The following SEZ6L2 variants were observed in gnomAD, a reference collection of about 807,000 sequenced individuals.
SEZ6L2 encodes the protein seizure related 6 homolog like 2, also known as seizure 6-like protein 2.
SEZ6L2 carries 44 observed loss-of-function variants against 97.0 expected under a neutral mutation model. The ratio of observed to expected loss-of-function variants is 0.45; its 90% CI spans 0.36 to 0.58. The LOEUF is 0.58. Among genes scored for constraint, SEZ6L2 ranks in the 20% least tolerant of loss-of-function variants. The pLI is 0.00. For synonymous variants in SEZ6L2, 543 were observed against 546.1 expected, an observed-to-expected ratio of 0.99 and a Z score of 0.08; for missense variants, 1,086 against 1,233.3, an observed-to-expected ratio of 0.88 and a Z score of 1.79.
At chr16:29,885,965 TTAGGGCA>T in intron 7 of SEZ6L2, 1 of 463,606 alleles carries the variant, frequency 2.2e-6, no homozygotes. Context: ...GATGAGGATA[TTAGGGCA>T]TAGAAAGATC....
rs373192342 is a variant in SEZ6L2 at position 29,896,485 on chromosome 16, C to T, written c.511+337G>A. ...GTAGAGACAGGGTTTCTCCATGTTG[C>T]TCAGGCTGGTCTCGAACTCCCGACC... On this transcript the variant is annotated intron_variant, in intron 3 of 17. Transcript: ENST00000617533. Among the ~76,000 whole-genome samples, 20 of 152,124 alleles carry T rather than the reference C, an allele frequency of 1.3e-4. No homozygotes were observed. In the East Asian group the frequency reaches 2.1e-3, roughly 16 times the overall value.
chr16:29,889,622 T>C (rs78616284), intron 5 of SEZ6L2, among the ~76,000 whole-genome samples: 1 of 98,904 alleles, frequency 1.0e-5, no homozygotes, highest in East Asian at 5.0e-4. Flanking sequence ...TTCTTTTTTT[T>C]TTTTTTTTTT....
In SEZ6L2 at chr16:29,885,568, G is replaced by A; in HGVS notation, c.1372+18C>T. On this transcript the variant is annotated intron_variant, in intron 8 of 17. Coordinates refer to ENST00000617533, the MANE Select transcript of SEZ6L2 (RefSeq NM_001243332.2). ...AAGGTGTGGCGGTTGGGGTCCTGTG[G>A]GGGAGTGGGTCACTTACCTTCAAAT... The A allele has an allele frequency of 6.2e-7, 1 of 1,608,284 alleles. No homozygotes were observed. Among genetic ancestry groups the A allele is most frequent in the Non-Finnish European group, 8.5e-7 (1 of 1,175,564 alleles).
Position 29,878,334 on chromosome 16 carries a change from C to G in SEZ6L2, c.1665G>C (p.Trp555Cys). Residue 555 changes from tryptophan (W) to cysteine (C), a missense_variant, in exon 10 of 18, where the codon TGG becomes TGC. Physicochemically the swap from Trp to Cys is radical, Grantham distance 215 (BLOSUM62 -2). Transcript: ENST00000617533. ...GCTTCTCTTCCTGGACGTGCACGCC[C>G]CACACGCAGTCTTGGCCCGGGCTAT... is the stretch of plus-strand genomic sequence containing the variant. ...QSYSPGQDCV[W>C]GVHVQEEKRI... 1 of 1,601,876 alleles carries G rather than the reference C, an allele frequency of 6.2e-7. No homozygotes were observed. The highest frequency in any genetic ancestry group is 8.5e-7 in the Non-Finnish European group (1 of 1,173,700).
rs184083094 is a variant in SEZ6L2, at chr16:29,871,372, C to T, written c.*327G>A. Reference sequence around the variant, plus strand: ...GTGGCCAAGGGAACAGTAGAGCTATCGGGGGCAGTCCTTGAGGGGTGCCCT... The same window carrying T: ...GTGGCCAAGGGAACAGTAGAGCTATTGGGGGCAGTCCTTGAGGGGTGCCCT... On this transcript the variant is annotated 3_prime_UTR_variant, in exon 18 of 18. Coordinates refer to ENST00000617533, the MANE Select transcript of SEZ6L2 (RefSeq NM_001243332.2). 4.8e-5 allele frequency: 22 copies of T among 456,646 alleles called. No homozygotes were observed. In the East Asian group the frequency reaches 8.1e-4, roughly 17 times the overall value. The allele number at this position is 456,646 out of a possible 1,614,324, so 28.3% of individuals were successfully genotyped here. A position where few individuals can be genotyped will look rare whatever the true frequency, so the allele number is the denominator to read the frequency against.
At position 29,896,909 on chromosome 16, in the gene SEZ6L2, G is replaced by A. The variant is rs1329969829; in HGVS notation, c.424C>T (p.Pro142Ser). ...TCTCCTCCCTCAGGCCCAAGGGGAG[G>A]CCCTGGGGAGGCAGGGCTGGGTGGG... ...PPPPSPASPG[P>S]PLGPEGGEEE... is the part of the protein sequence containing the mutation. The change falls in exon 3 of 18, where the codon CCT becomes TCT. Residue 142 changes from proline (P) to serine (S), a missense_variant. By Grantham distance (74) the Pro-to-Ser change is moderately conservative. Coordinates refer to ENST00000617533, the MANE Select transcript of SEZ6L2 (RefSeq NM_001243332.2). 7 of 1,611,414 alleles carry A rather than the reference G, an allele frequency of 4.3e-6. No homozygotes were observed. Among genetic ancestry groups the A allele is most frequent in the Admixed American group, 1.7e-5 (1 of 60,002 alleles).
intron 7 of SEZ6L2, 41 bp from the exon 8 acceptor site, chr16:29,885,790 C>T (rs2068127405): frequency 6.3e-7 from 1 of 1,576,624 alleles, no homozygotes; most frequent in Admixed American, 1.7e-5. Flanking sequence ...CAATCTCCCT[C>T]ACAAGCTGCC....
At position 29,873,117 on chromosome 16, in the gene SEZ6L2, C is replaced by T; in HGVS notation, c.2488+123G>A. On this transcript the variant is annotated intron_variant, in intron 14 of 17. Coordinates refer to ENST00000617533, the MANE Select transcript of SEZ6L2 (RefSeq NM_001243332.2). This position sits in a 1 kb window ranked among gnomAD's most constrained non-coding sequence, Gnocchi z 4.3. ...GGACACACCCGTGAGGACACGAGGCCACAGGAGGAGAACCGGGAGCTCTGT... is the reference window on the plus strand; with the variant it reads ...GGACACACCCGTGAGGACACGAGGCTACAGGAGGAGAACCGGGAGCTCTGT... 3 of 1,139,842 alleles carry T rather than the reference C, an allele frequency of 2.6e-6. No individual in the cohort carries two copies. The highest frequency in any genetic ancestry group is 3.7e-6 in the Non-Finnish European group (3 of 807,134). 70.6% of individuals were successfully genotyped at this position (1,139,842 alleles called of 1,614,324 possible). A position where few individuals can be genotyped will look rare whatever the true frequency, so the allele number is the denominator to read the frequency against.
chr16:29,895,690 G>T (rs747618486), intron 4 of SEZ6L2, 31 bp downstream of exon 4: 2 of 1,598,218 alleles, frequency 1.3e-6, no homozygotes, highest in East Asian at 4.5e-5. Flanking sequence ...AGGCTTGGAA[G>T]CTGCACAGTC....
chr16:29,880,191 C>A (rs2068001525), intron 8 of SEZ6L2, 127 bp from the exon 9 acceptor site: 2 of 831,770 alleles, frequency 2.4e-6, no homozygotes, highest in African/African-American at 1.7e-5. Context: ...TTTAAACAGT[C>A]TTGTGCTGTC....
At position 29,888,649 on chromosome 16, in the gene SEZ6L2, G is replaced by T; in HGVS notation, c.930C>A (p.Gly310=). 7 of 1,614,004 alleles carry T rather than the reference G, an allele frequency of 4.3e-6. No homozygotes were observed. Among genetic ancestry groups the T allele is most frequent in the Non-Finnish European group, 5.9e-6 (7 of 1,179,964 alleles). Residue 310 remains glycine, a synonymous_variant, in exon 6 of 18, where the codon GGC becomes GGA. Transcript: ENST00000617533. ...DVSVTDLHPG[G]TATFHCDSGY... is the part of the protein sequence containing the mutation. ...CCGAATCACAGTGAAAGGTGGCAGT[G>T]CCCCCAGGGTGCAGGTCCGTCACAC...
intron 1 of SEZ6L2, 95 bp from the exon 2 acceptor site, chr16:29,898,079 G>A: frequency 6.4e-7 from 1 of 1,553,404 alleles, no homozygotes; most frequent in South Asian, 1.2e-5. Flanking sequence ...TCCTCCATCA[G>A]CTGGGCCTGC....
chr16:29,882,756 T>G (rs1328378160), intron 8 of SEZ6L2, among the ~76,000 whole-genome samples: 1 of 151,914 alleles, frequency 6.6e-6, no homozygotes, highest in African/African-American at 2.4e-5. Flanking sequence ...CCTGGCTAAT[T>G]TTTTGTTTTG....
At position 29,885,673 on chromosome 16, in the gene SEZ6L2, C is replaced by A. The variant is rs968203015; in HGVS notation, c.1285G>T (p.Gly429Cys). ...DSDMDDVPER[G>C]LISDAQSLYV... is the part of the protein sequence containing the mutation. Reference sequence around the variant, plus strand: ...AGGGACTGGGCGTCACTGATGAGACCCCGCTCGGGGACATCGTCCATGTCC... The same window carrying A: ...AGGGACTGGGCGTCACTGATGAGACACCGCTCGGGGACATCGTCCATGTCC... The change falls in exon 8 of 18, where the codon GGT becomes TGT. Residue 429 changes from glycine to cysteine, a missense_variant. This residue lies in a region of SEZ6L2 where 776 missense variants were observed against 794.7 expected (regional missense o/e 0.98). Coordinates refer to ENST00000617533, the MANE Select transcript of SEZ6L2 (RefSeq NM_001243332.2). 2 of 1,613,954 alleles carry A rather than the reference C, an allele frequency of 1.2e-6. No individual in the cohort carries two copies. Among genetic ancestry groups the A allele is most frequent in the Non-Finnish European group, 1.7e-6 (2 of 1,179,974 alleles).
chr16:29,896,871 C>G lies in SEZ6L2; in HGVS notation c.462G>C (p.Thr154=). ...CAGTTGTCGTGGTGATGATGGTGGTCGTCGTCTCCTCCTCTCCTCCCTCAG... is the reference window on the plus strand; with the variant it reads ...CAGTTGTCGTGGTGATGATGGTGGTGGTCGTCTCCTCCTCTCCTCCCTCAG... ...LGPEGGEEET[T]TTIITTTTVT... is the part of the protein sequence containing the mutation. Residue 154 remains threonine, a synonymous_variant, in exon 3 of 18, where the codon ACG becomes ACC. Coordinates refer to ENST00000617533, the MANE Select transcript of SEZ6L2 (RefSeq NM_001243332.2). 3 of 1,613,930 alleles carry G rather than the reference C, an allele frequency of 1.9e-6. No homozygotes were observed. The highest frequency in any genetic ancestry group is 2.5e-6 in the Non-Finnish European group (3 of 1,179,910).
intron 9 of SEZ6L2, 63 bp from the exon 10 acceptor site, chr16:29,878,488 G>C: frequency 6.7e-7 from 1 of 1,481,892 alleles, no homozygotes; most frequent in Middle Eastern, 2.1e-4. Context: ...TTTCTCCACA[G>C]TCCTCACCAC....
chr16:29,887,836 T>A lies in SEZ6L2; in HGVS notation c.1040-19A>T. On this transcript the variant is annotated intron_variant, in intron 6 of 17. Coordinates refer to ENST00000617533, the MANE Select transcript of SEZ6L2 (RefSeq NM_001243332.2). The stretch of plus-strand genomic sequence containing the variant: ...CAGGATGCTGTGGGCAGAGGAGGGG[T>A]ACGTTAAGGCCAGCCTGAGGTGAAC... 4 of 1,612,036 alleles carry A rather than the reference T, an allele frequency of 2.5e-6. No homozygotes were observed. Among genetic ancestry groups the A allele is most frequent in the Non-Finnish European group, 3.4e-6 (4 of 1,179,488 alleles).
intron 6 of SEZ6L2, among the ~76,000 whole-genome samples, chr16:29,888,200 C>G (rs986181708): frequency 6.6e-6 from 1 of 152,120 alleles, no homozygotes; most frequent in African/African-American, 2.4e-5. Context: ...CAGTAAGAGG[C>G]TCTCTAGGAT....
chr16:29,894,800 T>C (rs1242680073), intron 5 of SEZ6L2, among the ~76,000 whole-genome samples: 1 of 151,930 alleles, frequency 6.6e-6, no homozygotes, highest in Non-Finnish European at 1.5e-5. Context: ...TATGCATGGG[T>C]CTCCTCTGAG....
Sources: allele counts gnomAD v4.1 joint callset (sites outside exome capture counted in the v4.1 genomes callset), GRCh38; gene constraint gnomAD v4.1.1; regional missense constraint gnomAD v4.1.1; non-coding constraint Gnocchi (gnomAD v3.1); transcripts MANE v1.5; gene names NCBI Gene and HGNC (gene_info 2026-07-23, HGNC 2026-07-21).